The following CNTNAP2 variants were observed in gnomAD, a reference collection of about 807,000 sequenced individuals.
CNTNAP2 encodes contactin associated protein 2, also known as contactin-associated protein-like 2.
Under a neutral mutation model 155.2 loss-of-function variants are expected in CNTNAP2, and 98 were observed. The ratio of observed to expected loss-of-function variants is 0.63; its 90% CI spans 0.54 to 0.75. The LOEUF (loss-of-function observed/expected upper bound fraction) is 0.75. Ranked by LOEUF, CNTNAP2 falls within the 30% of genes least tolerant of loss-of-function variation. The probability of loss-of-function intolerance (pLI) is 0.00; values close to 1 mark genes in which losing one functional copy is unlikely to be tolerated. For missense variants in CNTNAP2, 1,727 were observed against 1,688.1 expected, an observed-to-expected ratio of 1.02 and a Z score of -0.40; for synonymous variants, 651 against 631.2, an observed-to-expected ratio of 1.03 and a Z score of -0.47.
intron 15 of CNTNAP2, among the ~76,000 whole-genome samples, chr7:148,034,547 C>G (rs1384486673): frequency 6.6e-6 from 1 of 152,154 alleles, no homozygotes; most frequent in East Asian, 1.9e-4. Context: ...GATGCCAGCA[C>G]CTTGATCTTG....
intron 15 of CNTNAP2, among the ~76,000 whole-genome samples, chr7:148,002,158 A>G (rs1801910011): frequency 6.6e-6 from 1 of 152,160 alleles, no homozygotes; most frequent in African/African-American, 2.4e-5. Flanking sequence ...ACATCTCCCA[A>G]TTTCTACAAG....
intron 1 of CNTNAP2, among the ~76,000 whole-genome samples, chr7:146,509,992 G>A (rs1797443126): frequency 1.3e-5 from 2 of 152,100 alleles, no homozygotes; most frequent in Non-Finnish European, 2.9e-5. Context: ...GCTGACCTAG[G>A]ATCATCAGGG....
intron 20 of CNTNAP2, among the ~76,000 whole-genome samples, chr7:148,253,741 A>G (rs1796411405): frequency 6.6e-6 from 1 of 152,144 alleles, no homozygotes; most frequent in South Asian, 2.1e-4. Flanking sequence ...TGAGTGTACT[A>G]CTGGGCAGGT....
Position 146,396,717 on chromosome 7 carries a change from ATG to A in CNTNAP2, c.97+279748_97+279749del, listed in dbSNP as rs1480759039. Among the ~76,000 whole-genome samples, 17 of 150,592 alleles carry A rather than the reference ATG, an allele frequency of 1.1e-4. No homozygotes were observed. The East Asian group carries it at 1.2e-3, about 10-fold the overall frequency. On this transcript the variant is annotated intron_variant, in intron 1 of 23. Transcript: ENST00000361727. ...GGAGAATATTTATATACATATATATATGTGTATATATATGTATATAAATATCC... is the reference window on the plus strand; with the variant it reads ...GGAGAATATTTATATACATATATATATGTATATATATGTATATAAATATCC...
At chr7:146,537,329 G>A (rs1365449644) in intron 1 of CNTNAP2, among the ~76,000 whole-genome samples, 1 of 151,880 alleles carries the variant, frequency 6.6e-6, no homozygotes, top group East Asian at 1.9e-4. Flanking sequence ...TGAAATTAAT[G>A]CCTATTTTAA....
intron 2 of CNTNAP2, among the ~76,000 whole-genome samples, chr7:146,801,104 G>A (rs936489603): frequency 6.6e-6 from 1 of 152,170 alleles, no homozygotes; most frequent in Non-Finnish European, 1.5e-5. Context: ...TCAGCTTCTG[G>A]TGGAGCCTTA....
intron 1 of CNTNAP2, among the ~76,000 whole-genome samples, chr7:146,141,394 T>C (rs879039433): frequency 2.2e-4 from 33 of 152,250 alleles, no homozygotes; most frequent in Admixed American, 6.6e-4. Flanking sequence ...ATAGACTGTA[T>C]TTTTTATGGA....
chr7:148,304,125 C>A (rs914676437), intron 21 of CNTNAP2, among the ~76,000 whole-genome samples: 1 of 151,730 alleles, frequency 6.6e-6, no homozygotes, highest in Non-Finnish European at 1.5e-5. Flanking sequence ...GGTTTTTAAC[C>A]AAAACTAAAA....
chr7:147,123,237 A>G (rs1281780320), intron 6 of CNTNAP2, among the ~76,000 whole-genome samples: 1 of 152,184 alleles, frequency 6.6e-6, no homozygotes, highest in African/African-American at 2.4e-5. Flanking sequence ...TTATCTCCCA[A>G]TGTATGAGAG....
At chr7:146,625,483 G>C (rs995849286) in intron 1 of CNTNAP2, among the ~76,000 whole-genome samples, 2 of 151,750 alleles carry the variant, frequency 1.3e-5, no homozygotes, top group Admixed American at 6.6e-5. Flanking sequence ...TAAAACACAG[G>C]CTTATTATTT....
chr7:148,036,487 GCT>G (rs1235567114), intron 15 of CNTNAP2, among the ~76,000 whole-genome samples: 1 of 151,984 alleles, frequency 6.6e-6, no homozygotes, highest in Admixed American at 6.6e-5. Flanking sequence ...GGCCTCTCTT[GCT>G]CTCTCTTGTG....
At chr7:147,131,816 T>G (rs1801379062) in intron 7 of CNTNAP2, among the ~76,000 whole-genome samples, 1 of 152,048 alleles carries the variant, frequency 6.6e-6, no homozygotes, top group Non-Finnish European at 1.5e-5. Flanking sequence ...CAGAGTAATA[T>G]GTTAATTAAT....
chr7:147,700,870 G>A (rs2117003928), intron 13 of CNTNAP2, among the ~76,000 whole-genome samples: 1 of 152,238 alleles, frequency 6.6e-6, no homozygotes, highest in Non-Finnish European at 1.5e-5. Context: ...GGCCCGCTGG[G>A]TCTCCTTTTG....
rs145799560 is a variant in CNTNAP2, at chr7:146,745,145, A to C, written c.98-29126A>C. On this transcript the variant is annotated intron_variant, in intron 1 of 23. Transcript: ENST00000361727. ...CATCATGGTTTTAGAAAACAACAAC[A>C]ACCACCACCAATCCATTACTAAATT... Among the ~76,000 whole-genome samples the C allele has an allele frequency of 2.6e-4, 40 of 152,278 alleles. No individual in the cohort carries two copies. In the East Asian group the frequency reaches 2.7e-3, roughly 10 times the overall value.
intron 1 of CNTNAP2, among the ~76,000 whole-genome samples, chr7:146,713,612 T>C (rs2129175761): frequency 6.6e-6 from 1 of 152,324 alleles, no homozygotes. Context: ...AAATAATGAA[T>C]AGCTCATTTT....
At chr7:146,870,614 G>A (rs1306856195) in intron 3 of CNTNAP2, among the ~76,000 whole-genome samples, 2 of 152,204 alleles carry the variant, frequency 1.3e-5, no homozygotes, top group East Asian at 1.9e-4. Flanking sequence ...GTAAATTGCT[G>A]TGTGGAAATC....
At chr7:148,338,765 A>G (rs1798168842) in intron 21 of CNTNAP2, among the ~76,000 whole-genome samples, 1 of 152,190 alleles carries the variant, frequency 6.6e-6, no homozygotes, top group Non-Finnish European at 1.5e-5. Context: ...GATGCTCCTG[A>G]AAAGTGTGGG....
At chr7:147,290,914 A>G (rs1805292157) in intron 8 of CNTNAP2, among the ~76,000 whole-genome samples, 1 of 152,132 alleles carries the variant, frequency 6.6e-6, no homozygotes, top group Admixed American at 6.6e-5. Flanking sequence ...CAAATTCACA[A>G]ATGTTGAATC....
intron 1 of CNTNAP2, among the ~76,000 whole-genome samples, chr7:146,730,394 C>T (rs574913019): frequency 6.6e-6 from 1 of 152,190 alleles, no homozygotes; most frequent in South Asian, 2.1e-4. Flanking sequence ...TTTCTGAATT[C>T]CTCATCCCAT....
Sources: allele counts gnomAD v4.1 joint callset (sites outside exome capture counted in the v4.1 genomes callset), GRCh38; gene constraint gnomAD v4.1.1; transcripts MANE v1.5; gene names NCBI Gene and HGNC (gene_info 2026-07-23, HGNC 2026-07-21).